The following LRP1B variants were observed in gnomAD, a reference collection of about 807,000 sequenced individuals.
LRP1B encodes LDL receptor related protein 1B, also known as low-density lipoprotein receptor-related protein 1B.
A neutral mutation model predicts 556.6 loss-of-function variants in LRP1B; 217 were observed. That is an observed-to-expected ratio of 0.39 (90% confidence interval 0.35 to 0.44). LRP1B has a LOEUF of 0.44. Among genes scored for constraint, LRP1B ranks in the 20% least tolerant of loss-of-function variants. LRP1B has a pLI of 1.00. For missense variants in LRP1B, 5,053 were observed against 5,620.8 expected, an observed-to-expected ratio of 0.90 and a Z score of 3.23; for synonymous variants, 2,047 against 1,865.8, an observed-to-expected ratio of 1.10 and a Z score of -2.50.
chr2:141,171,824 T>G (rs933301716), intron 7 of LRP1B, among the ~76,000 whole-genome samples: 1 of 152,036 alleles, frequency 6.6e-6, no homozygotes, highest in Non-Finnish European at 1.5e-5. Flanking sequence ...CAAGAAACAC[T>G]GTGAAGATTG....
At chr2:141,049,556 T>A (rs1205708327) in intron 10 of LRP1B, among the ~76,000 whole-genome samples, 1 of 152,088 alleles carries the variant, frequency 6.6e-6, no homozygotes, top group African/African-American at 2.4e-5. Flanking sequence ...AATTTTATAA[T>A]GTATTATAAT....
chr2:140,467,521 G>A (rs1021663179), intron 60 of LRP1B, among the ~76,000 whole-genome samples: 1 of 150,750 alleles, frequency 6.6e-6, no homozygotes, highest in African/African-American at 2.4e-5. Flanking sequence ...GCTGAGCCAG[G>A]AGAATTGCTT....
At chr2:142,103,911 G>A (rs1406940712) in intron 1 of LRP1B, among the ~76,000 whole-genome samples, 1 of 152,076 alleles carries the variant, frequency 6.6e-6, no homozygotes, top group African/African-American at 2.4e-5. Context: ...CGTGTCAGCT[G>A]TGTAAAACCT....
At chr2:141,756,250 T>C (rs889297614) in intron 2 of LRP1B, among the ~76,000 whole-genome samples, 1 of 152,086 alleles carries the variant, frequency 6.6e-6, no homozygotes, top group Non-Finnish European at 1.5e-5. Flanking sequence ...AATTATTAAA[T>C]TGTGGCCGTT....
intron 1 of LRP1B, among the ~76,000 whole-genome samples, chr2:142,063,345 C>G (rs1277412518): frequency 1.3e-5 from 2 of 151,406 alleles, no homozygotes; most frequent in Non-Finnish European, 3.0e-5. Context: ...CAGGGACTAT[C>G]AAAAAATTAT....
At chr2:141,460,065 A>C (rs765981228) in intron 3 of LRP1B, among the ~76,000 whole-genome samples, 43 of 152,132 alleles carry the variant, frequency 2.8e-4, no homozygotes, top group Non-Finnish European at 1.0e-4. Flanking sequence ...ACACTCAGAA[A>C]CCTAAATTTT....
intron 5 of LRP1B, among the ~76,000 whole-genome samples, chr2:141,230,745 A>G (rs906688072): frequency 3.3e-5 from 5 of 152,176 alleles, no homozygotes; most frequent in African/African-American, 7.2e-5. Flanking sequence ...TCATTTATCA[A>G]TTACCAGAAT....
chr2:141,895,718 C>T (rs1182185757), intron 1 of LRP1B, among the ~76,000 whole-genome samples: 3 of 152,092 alleles, frequency 2.0e-5, no homozygotes, highest in Admixed American at 6.6e-5. Flanking sequence ...ATATAGAAAT[C>T]GTTGTCCTTA....
chr2:140,924,587 T>C (rs973514377), intron 20 of LRP1B, among the ~76,000 whole-genome samples: 4 of 152,090 alleles, frequency 2.6e-5, no homozygotes, highest in Non-Finnish European at 5.9e-5. Flanking sequence ...AGAAGTTCCA[T>C]TGGTCAAAAA....
chr2:142,109,915 T>C (rs950084709), intron 1 of LRP1B, among the ~76,000 whole-genome samples: 2 of 152,092 alleles, frequency 1.3e-5, no homozygotes, highest in African/African-American at 2.4e-5. Context: ...GAGAAAATAA[T>C]AGCATCAGCA....
intron 7 of LRP1B, among the ~76,000 whole-genome samples, chr2:141,127,092 G>T (rs1156972466): frequency 2.0e-5 from 3 of 149,018 alleles, no homozygotes; most frequent in African/African-American, 7.4e-5. Context: ...TCTCACTTAT[G>T]AGTGAGAACA....
At chr2:140,516,140 T>A (rs1201177088) in intron 50 of LRP1B, among the ~76,000 whole-genome samples, 1 of 152,208 alleles carries the variant, frequency 6.6e-6, no homozygotes, top group South Asian at 2.1e-4. Flanking sequence ...ATATATATTA[T>A]TGAAAGCTAT....
At chr2:140,525,190 T>C (rs1690377211) in intron 49 of LRP1B, among the ~76,000 whole-genome samples, 1 of 151,838 alleles carries the variant, frequency 6.6e-6, no homozygotes, top group Admixed American at 6.6e-5. Flanking sequence ...AATTTAATAG[T>C]GTCCTATATA....
At chr2:140,896,712 C>A (rs1374793665) in intron 23 of LRP1B, among the ~76,000 whole-genome samples, 1 of 152,076 alleles carries the variant, frequency 6.6e-6, no homozygotes, top group African/African-American at 2.4e-5. Flanking sequence ...AATGCCTGGG[C>A]TCAATAGATC....
chr2:140,706,275 C>T (rs1163506458), intron 37 of LRP1B, among the ~76,000 whole-genome samples: 1 of 152,058 alleles, frequency 6.6e-6, no homozygotes, highest in Non-Finnish European at 1.5e-5. Context: ...TTGTGAAAAA[C>T]GTGTTCACTA....
chr2:142,002,040 C>T (rs980136183), intron 1 of LRP1B, among the ~76,000 whole-genome samples: 2 of 152,130 alleles, frequency 1.3e-5, no homozygotes, highest in Non-Finnish European at 2.9e-5. Context: ...AAAATAATTA[C>T]TTAACCTTAG....
At chr2:140,723,029 C>A (rs533670114) in intron 35 of LRP1B, among the ~76,000 whole-genome samples, 1 of 151,848 alleles carries the variant, frequency 6.6e-6, no homozygotes. Context: ...GGTGACAGAG[C>A]GAGACTCTGT....
intron 41 of LRP1B, among the ~76,000 whole-genome samples, chr2:140,655,032 G>GTGTATATATA (rs767709816): frequency 2.7e-5 from 4 of 147,092 alleles, no homozygotes; most frequent in African/African-American, 1.0e-4. Context: ...GTATATGTAT[G>GTGTATATATA]TATATATATA....
intron 2 of LRP1B, among the ~76,000 whole-genome samples, chr2:141,567,377 T>C (rs771238406): frequency 6.6e-6 from 1 of 152,174 alleles, no homozygotes; most frequent in Non-Finnish European, 1.5e-5. Context: ...AAGGATTTTG[T>C]TATTTGTTTC....
Sources: allele counts gnomAD v4.1 joint callset (sites outside exome capture counted in the v4.1 genomes callset), GRCh38; gene constraint gnomAD v4.1.1; transcripts MANE v1.5; gene names NCBI Gene and HGNC (gene_info 2026-07-23, HGNC 2026-07-21).